The following NELL2 variants were observed in gnomAD, a reference collection of about 807,000 sequenced individuals.
NELL2 encodes protein kinase C-binding protein NELL2.
In NELL2, 41 loss-of-function variants were observed where a neutral mutation model predicts 109.6. That is an observed-to-expected ratio of 0.37 (90% CI 0.29 to 0.49). NELL2 has a LOEUF of 0.49. Ranked by LOEUF, NELL2 falls within the 20% of genes least tolerant of loss-of-function variation. NELL2 has a pLI of 0.98. For missense variants in NELL2, 900 were observed against 1,008.3 expected (o/e 0.89, Z 1.45); for synonymous variants, 355 against 344.7 (o/e 1.03, Z -0.33).
At chr12:44,552,233 T>TA in intron 15 of NELL2, among the ~76,000 whole-genome samples, 1 of 152,336 alleles carries the variant, frequency 6.6e-6, no homozygotes, top group Middle Eastern at 3.4e-3. Flanking sequence ...AAGATTAGTG[T>TA]AACCAAAGGT....
chr12:44,921,089 A>C (rs768106083), intron 1 of NELL2, among the ~76,000 whole-genome samples: 11 of 152,172 alleles, frequency 7.2e-5, no homozygotes, highest in Non-Finnish European at 1.3e-4. Flanking sequence ...AAGAAAGGAA[A>C]AGAGCACCCA....
intron 2 of NELL2, among the ~76,000 whole-genome samples, chr12:44,869,689 G>C (rs1945108773): frequency 6.6e-6 from 1 of 152,100 alleles, no homozygotes. Context: ...TGAGTCATAT[G>C]TTCTTCAAAG....
At chr12:44,830,867 G>C (rs1943865634) in intron 2 of NELL2, among the ~76,000 whole-genome samples, 1 of 151,924 alleles carries the variant, frequency 6.6e-6, no homozygotes, top group African/African-American at 2.4e-5. Context: ...TATTCTGTCA[G>C]GATCTTGCCA....
intron 9 of NELL2, among the ~76,000 whole-genome samples, chr12:44,743,915 C>T (rs369073687): frequency 6.6e-6 from 1 of 151,924 alleles, no homozygotes; most frequent in South Asian, 2.1e-4. Flanking sequence ...AACAAGGATA[C>T]CCAGGAATTG....
At chr12:44,876,350 T>A, upstream of NELL2, 1 of 1,147,672 alleles carries the variant, frequency 8.7e-7, no homozygotes, top group Non-Finnish European at 1.1e-6. Flanking sequence ...GAGAGACTGC[T>A]CCTCCGGGGA....
chr12:44,710,030 G>A (rs1031991996), intron 11 of NELL2, among the ~76,000 whole-genome samples: 7 of 152,164 alleles, frequency 4.6e-5, no homozygotes, highest in Non-Finnish European at 1.0e-4. Context: ...CTCCTCGAAA[G>A]GCAGACCATG....
intron 14 of NELL2, among the ~76,000 whole-genome samples, chr12:44,609,669 T>C (rs376818325): frequency 6.6e-6 from 1 of 151,804 alleles, no homozygotes; most frequent in East Asian, 1.9e-4. Context: ...TTTTTCAAAA[T>C]GACCTACACT....
At chr12:44,774,723 A>G (rs563431152) in intron 9 of NELL2, 24 bp downstream of exon 9, 3 of 1,570,406 alleles carry the variant, frequency 1.9e-6, no homozygotes, top group Admixed American at 3.3e-5. Context: ...CAAAGAAAGT[A>G]TTCATCATAA....
intron 12 of NELL2, among the ~76,000 whole-genome samples, chr12:44,685,266 G>T (rs1198334133): frequency 6.6e-6 from 1 of 151,760 alleles, no homozygotes; most frequent in East Asian, 1.9e-4. Flanking sequence ...CCATTTGCTT[G>T]GTAGATCTTC....
intron 19 of NELL2, among the ~76,000 whole-genome samples, chr12:44,512,259 A>G (rs565084978): frequency 6.6e-6 from 1 of 152,338 alleles, no homozygotes; most frequent in East Asian, 1.9e-4. Context: ...AGGGAAACGC[A>G]GGTCAAAACC....
intron 1 of NELL2, among the ~76,000 whole-genome samples, chr12:44,885,255 G>A (rs1592703496): frequency 6.6e-6 from 1 of 151,630 alleles, no homozygotes; most frequent in East Asian, 1.9e-4. Flanking sequence ...CTCCAGCCTG[G>A]GAGATAAAGC....
intron 3 of NELL2, among the ~76,000 whole-genome samples, chr12:44,792,634 A>C (rs377084603): frequency 6.6e-6 from 1 of 152,194 alleles, no homozygotes; most frequent in African/African-American, 2.4e-5. Flanking sequence ...GTGCACCTAT[A>C]AGTCAATAAG....
At chr12:44,681,523 C>G (rs1044875391) in intron 12 of NELL2, among the ~76,000 whole-genome samples, 1 of 151,984 alleles carries the variant, frequency 6.6e-6, no homozygotes, top group Admixed American at 6.6e-5. Flanking sequence ...CCCATTAACT[C>G]GTCATCTAGC....
At chr12:44,803,544 G>A (rs1236581220) in intron 3 of NELL2, among the ~76,000 whole-genome samples, 2 of 151,970 alleles carry the variant, frequency 1.3e-5, no homozygotes, top group African/African-American at 4.8e-5. Context: ...TCGGGAATCT[G>A]TTATGGTGAA....
At chr12:44,542,259 T>C (rs1438845596) in intron 15 of NELL2, among the ~76,000 whole-genome samples, 1 of 151,500 alleles carries the variant, frequency 6.6e-6, no homozygotes, top group Non-Finnish European at 1.5e-5. Flanking sequence ...CTCTTAGTTC[T>C]CCTTGTACCT....
chr12:44,518,736 A>G (rs1194432774), intron 19 of NELL2, among the ~76,000 whole-genome samples: 1 of 152,198 alleles, frequency 6.6e-6, no homozygotes, highest in African/African-American at 2.4e-5. Flanking sequence ...ACTCAACTCT[A>G]TTTGGTAATT....
chr12:44,847,117 C>G (rs1944394863), intron 2 of NELL2, among the ~76,000 whole-genome samples: 1 of 152,204 alleles, frequency 6.6e-6, no homozygotes, highest in Non-Finnish European at 1.5e-5. Flanking sequence ...CCAAGGCTGA[C>G]AGGCCAGGAC....
chr12:44,795,179 T>A (rs554766171), intron 3 of NELL2, among the ~76,000 whole-genome samples: 1 of 152,320 alleles, frequency 6.6e-6, no homozygotes, highest in South Asian at 2.1e-4. Context: ...TCTGCTGCCT[T>A]AAATTAAGCC....
chr12:44,609,264 G>A (rs1021467579), intron 14 of NELL2, among the ~76,000 whole-genome samples: 3 of 151,912 alleles, frequency 2.0e-5, no homozygotes, highest in Non-Finnish European at 4.4e-5. Context: ...TAAGGTTTAC[G>A]TGAATACAAG....
Sources: allele counts gnomAD v4.1 joint callset (sites outside exome capture counted in the v4.1 genomes callset), GRCh38; gene constraint gnomAD v4.1.1; transcripts MANE v1.5; gene names NCBI Gene and HGNC (gene_info 2026-07-23, HGNC 2026-07-21).